Variants in CACNG7 observed in about 807,000 individuals in gnomAD.
CACNG7 encodes voltage-dependent calcium channel gamma-7 subunit.
Under a neutral mutation model 26.3 loss-of-function variants are expected in CACNG7, and 9 were observed. That is an observed-to-expected ratio of 0.34 (90% CI 0.21 to 0.60). The LOEUF is 0.60. Ranked by LOEUF, CACNG7 falls within the 20% of genes least tolerant of loss-of-function variation. CACNG7 has a pLI of 0.81. For synonymous variants in CACNG7, 170 were observed against 157.0 expected, an observed-to-expected ratio of 1.08 and a Z score of -0.62; for missense variants, 297 against 380.4, an observed-to-expected ratio of 0.78 and a Z score of 1.82.
At chr19:53,937,205 C>T (rs936556075) in intron 4 of CACNG7, among the ~76,000 whole-genome samples, 14 of 152,164 alleles carry the variant, frequency 9.2e-5, no homozygotes, top group South Asian at 2.1e-4. Context: ...TATTTTTCAA[C>T]GGCAAGTCAT....
rs1211049172 is a variant in CACNG7 at position 53,909,410 on chromosome 19, C to A, written c.-137C>A. ...GGCTCCGGGGCGGGGGCGGGGGGCGCGGGCACCGGCGACCCCGGTGGCGGC... is the reference window on the plus strand; with the variant it reads ...GGCTCCGGGGCGGGGGCGGGGGGCGAGGGCACCGGCGACCCCGGTGGCGGC... On this transcript the variant is annotated 5_prime_UTR_variant, in exon 1 of 6. Coordinates refer to ENST00000391767, the MANE Select transcript of CACNG7 (RefSeq NM_031896.5). This position sits in a 1 kb window ranked among gnomAD's most constrained non-coding sequence, Gnocchi z 5.1. The A allele has an allele frequency of 2.0e-5, 3 of 148,154 alleles. No homozygotes were observed. In the East Asian group the frequency reaches 5.9e-4, roughly 29 times the overall value. 9.2% of individuals were successfully genotyped at this position (148,154 alleles called of 1,614,324 possible). A position where few individuals can be genotyped will look rare whatever the true frequency, so the allele number is the denominator to read the frequency against.
In CACNG7 at chr19:53,912,868, A is replaced by C; in HGVS notation, c.37A>C (p.Ser13Arg). 1.2e-6 allele frequency: 2 copies of C among 1,613,694 alleles called. No individual in the cohort carries two copies. The highest frequency in any genetic ancestry group is 1.7e-6 in the Non-Finnish European group (2 of 1,180,010). Residue 13 changes from serine (S) to arginine (R), a missense_variant, in exon 2 of 6, where the codon AGC becomes CGC. Physicochemically the swap from Ser to Arg is moderately radical, Grantham distance 110. Coordinates refer to ENST00000391767, the MANE Select transcript of CACNG7 (RefSeq NM_031896.5). The surrounding 1 kb of genome is among the most constrained non-coding windows in gnomAD (Gnocchi z 4.6). ...CAGCAGCCGCGCCCTGACCCTGCTGAGCAGCGTGTTTGGTGCGTGTGGCCT... is the reference window on the plus strand; with the variant it reads ...CAGCAGCCGCGCCCTGACCCTGCTGCGCAGCGTGTTTGGTGCGTGTGGCCT... ...HCSSRALTLL[S>R]SVFGACGLLL...
intron 4 of CACNG7, 118 bp downstream of exon 4, chr19:53,915,623 T>G (rs932795231): frequency 8.8e-7 from 1 of 1,132,444 alleles, no homozygotes; most frequent in African/African-American, 1.6e-5. Context: ...AGACCCTCTC[T>G]GAGCCCCACT....
chr19:53,921,291 G>A (rs2068948146), intron 4 of CACNG7, among the ~76,000 whole-genome samples: 1 of 135,082 alleles, frequency 7.4e-6, no homozygotes, highest in Non-Finnish European at 1.5e-5. Context: ...GTTGCCTCAG[G>A]TCTGGTCATT....
intron 4 of CACNG7, among the ~76,000 whole-genome samples, chr19:53,938,649 A>G (rs1336289128): frequency 6.6e-6 from 1 of 152,058 alleles, no homozygotes; most frequent in Non-Finnish European, 1.5e-5. Context: ...AATGTACTTT[A>G]AAAAGTTGAG....
At chr19:53,913,586 C>T (rs774805688) in intron 2 of CACNG7, among the ~76,000 whole-genome samples, 13 of 151,776 alleles carry the variant, frequency 8.6e-5, no homozygotes, top group African/African-American at 3.1e-4. Flanking sequence ...CACACCACTG[C>T]CACTGCGCTC....
intron 4 of CACNG7, among the ~76,000 whole-genome samples, chr19:53,928,230 AC>A (rs1463197391): frequency 5.3e-5 from 8 of 152,006 alleles, no homozygotes; most frequent in Non-Finnish European, 1.2e-4. Context: ...TTCTCATCAG[AC>A]CCTGGTCCTG....
At chr19:53,923,854 T>C (rs1182612266) in intron 4 of CACNG7, among the ~76,000 whole-genome samples, 12 of 132,104 alleles carry the variant, frequency 9.1e-5, no homozygotes, top group African/African-American at 3.5e-4. Flanking sequence ...GCCCCAGGCC[T>C]GGTCATTGGT....
At position 53,939,126 on chromosome 19, in the gene CACNG7, G is replaced by A. The variant is rs886298536; in HGVS notation, c.425-2344G>A. On this transcript the variant is annotated intron_variant, in intron 4 of 5. Coordinates refer to ENST00000391767, the MANE Select transcript of CACNG7 (RefSeq NM_031896.5). This position sits in a 1 kb window ranked among gnomAD's most constrained non-coding sequence, Gnocchi z 4.2. ...ACAAAAATTAGCCAGGCATGGTGGC[G>A]GGTGCCTGTTAATTCCAGCTACGCA... Among the ~76,000 whole-genome samples the A allele has an allele frequency of 1.3e-5, 2 of 151,914 alleles. No homozygotes were observed. The highest frequency in any genetic ancestry group is 2.4e-5 in the African/African-American group (1 of 41,356).
rs2068850892 is a variant in CACNG7 at position 53,909,722 on chromosome 19, T to G, written c.-30+205T>G. ...AGGACGGGGTCCGAGGGTCCCGGAG[T>G]GGGAAACTGCACTCCTCGCGTCCGA... is the stretch of plus-strand genomic sequence containing the variant. On this transcript the variant is annotated intron_variant, in intron 1 of 5. Coordinates refer to ENST00000391767, the MANE Select transcript of CACNG7 (RefSeq NM_031896.5). This position sits in a 1 kb window ranked among gnomAD's most constrained non-coding sequence, Gnocchi z 5.1. 6.7e-6 allele frequency among the ~76,000 whole-genome samples: 1 copy of G among 149,342 alleles called. No homozygotes were observed. The highest frequency in any genetic ancestry group is 6.7e-5 in the Admixed American group (1 of 14,996).
intron 4 of CACNG7, among the ~76,000 whole-genome samples, chr19:53,938,812 G>C (rs1465554012): frequency 6.6e-6 from 1 of 151,888 alleles, no homozygotes; most frequent in African/African-American, 2.4e-5. Context: ...GCCGGGCGTG[G>C]TGGTGTGCAC....
chr19:53,919,879 C>T (rs1465771776), intron 4 of CACNG7, among the ~76,000 whole-genome samples: 3 of 126,272 alleles, frequency 2.4e-5, no homozygotes, highest in Admixed American at 1.6e-4. Context: ...TTGCCCCAGG[C>T]TGGTCATTGG....
At chr19:53,936,310 G>A (rs954998553) in intron 4 of CACNG7, among the ~76,000 whole-genome samples, 2 of 152,122 alleles carry the variant, frequency 1.3e-5, no homozygotes, top group Non-Finnish European at 2.9e-5. Flanking sequence ...TGTTAACTGC[G>A]ATCACTTGGT....
rs369264536 is a variant in CACNG7, at chr19:53,939,681, T to A, written c.425-1789T>A. On this transcript the variant is annotated intron_variant, in intron 4 of 5. Coordinates refer to ENST00000391767, the MANE Select transcript of CACNG7 (RefSeq NM_031896.5). The surrounding 1 kb of genome is among the most constrained non-coding windows in gnomAD (Gnocchi z 4.2). ...TTTTGTTTATCCATTCATCAGCTGA[T>A]GGGCATTTGGGCTGTTTCCGCTTTT... Among the ~76,000 whole-genome samples the A allele has an allele frequency of 6.6e-6, 1 of 152,202 alleles. No homozygotes were observed. Among genetic ancestry groups the A allele is most frequent in the Non-Finnish European group, 1.5e-5 (1 of 68,032 alleles).
intron 4 of CACNG7, among the ~76,000 whole-genome samples, chr19:53,919,302 G>A (rs1474855605): frequency 3.3e-5 from 5 of 152,276 alleles, no homozygotes; most frequent in Non-Finnish European, 5.9e-5. Flanking sequence ...CTCAGAGAGA[G>A]AAAGACAGGG....
At chr19:53,915,331 C>T in intron 3 of CACNG7, 34 bp from the exon 4 acceptor site, 1 of 1,532,568 alleles carries the variant, frequency 6.5e-7, no homozygotes, top group Non-Finnish European at 9.0e-7. Flanking sequence ...GGAGATTCCC[C>T]CCTCACCCCT....
chr19:53,914,322 G>C (rs1323335103), intron 2 of CACNG7, among the ~76,000 whole-genome samples, 178 bp from the exon 3 acceptor site: 1 of 150,610 alleles, frequency 6.6e-6, no homozygotes, highest in African/African-American at 2.5e-5. Flanking sequence ...AGGAATCCCA[G>C]ACAGACATCC....
intron 4 of CACNG7, among the ~76,000 whole-genome samples, chr19:53,916,475 TTTTC>T (rs1187040792): frequency 1.6e-5 from 2 of 126,714 alleles, no homozygotes; most frequent in Non-Finnish European, 3.2e-5. Context: ...GCAATGCCTT[TTTTC>T]TTTCTTTCTT....
chr19:53,923,878 GCCTGGTCATTGGTGGAGTTGCCCCAGGT>G, intron 4 of CACNG7, among the ~76,000 whole-genome samples: 2 of 135,464 alleles, frequency 1.5e-5, no homozygotes, highest in Non-Finnish European at 1.6e-5. Context: ...GTTGCCCCAG[GCCTGGTCATTGGTGGAGTTGCCCCAGGT>G]CTGGTCATTG....
Sources: allele counts gnomAD v4.1 joint callset (sites outside exome capture counted in the v4.1 genomes callset), GRCh38; gene constraint gnomAD v4.1.1; non-coding constraint Gnocchi (gnomAD v3.1); transcripts MANE v1.5; gene names NCBI Gene and HGNC (gene_info 2026-07-23, HGNC 2026-07-21).